The following UBR4 variants were observed in gnomAD, a reference collection of about 807,000 sequenced individuals.
The protein encoded by UBR4 is E3 ubiquitin-protein ligase UBR4.
Under a neutral mutation model 575.6 loss-of-function variants are expected in UBR4, and 124 were observed. The ratio of observed to expected loss-of-function variants is 0.22; its 90% confidence interval spans 0.19 to 0.25. UBR4 has a LOEUF of 0.25. Ranked by LOEUF, UBR4 falls within the 10% of genes least tolerant of loss-of-function variation. UBR4 has a pLI of 1.00. For missense variants in UBR4, 4,818 were observed against 6,478.8 expected (o/e 0.74, Z 8.80); for synonymous variants, 2,455 against 2,473.7 (o/e 0.99, Z 0.22).
At position 19,151,657 on chromosome 1, in the gene UBR4, T is replaced by C; in HGVS notation, c.7199A>G (p.Lys2400Arg). 6.2e-7 allele frequency: 1 copy of C among 1,614,206 alleles called. No individual in the cohort carries two copies. Among genetic ancestry groups the C allele is most frequent in the Non-Finnish European group, 8.5e-7 (1 of 1,180,014 alleles). The change falls in exon 48 of 106, where the codon AAG (lysine) becomes AGG (arginine). Residue 2400 changes from lysine (K) to arginine (R), a missense_variant. Physicochemically the swap from Lys to Arg is conservative, Grantham distance 26. Coordinates refer to ENST00000375254, the MANE Select transcript of UBR4 (RefSeq NM_020765.3). ...TREEALQADKKLNLFIGASVD... is the reference protein window; with the variant it reads ...TREEALQADKRLNLFIGASVD... ...TGGTGACTCACTGAAGAGGTTCAGC[T>C]TCTTATCAGCCTGCAGGGCTTCTTC...
intron 11 of UBR4, among the ~76,000 whole-genome samples, chr1:19,190,871 C>T (rs777544167): frequency 1.3e-5 from 2 of 152,180 alleles, no homozygotes; most frequent in Non-Finnish European, 2.9e-5. Flanking sequence ...ATCCTCAGAT[C>T]ACCAATAAAT....
In UBR4 at chr1:19,138,292, T is replaced by C. The variant is rs2083421013; in HGVS notation, c.8732-111A>G. 6.9e-6 allele frequency: 8 copies of C among 1,161,448 alleles called. No homozygotes were observed. The East Asian group carries it at 1.9e-4, about 28-fold the overall frequency. 71.9% of individuals were successfully genotyped at this position (1,161,448 alleles called of 1,614,324 possible). A position where few individuals can be genotyped will look rare whatever the true frequency, so the allele number is the denominator to read the frequency against. ...GACAGTAACTGACAGCATTAGACAA[T>C]AACTGGTAGCATTTTTGTCTTATAT... is the stretch of plus-strand genomic sequence containing the variant. On this transcript the variant is annotated intron_variant, in intron 59 of 105. Transcript: ENST00000375254.
At chr1:19,131,595 T>C (rs2149713681) in intron 60 of UBR4, among the ~76,000 whole-genome samples, 1 of 152,240 alleles carries the variant, frequency 6.6e-6, no homozygotes, top group East Asian at 1.9e-4. Context: ...TAAAATACAC[T>C]GGGCGTGGTG....
intron 11 of UBR4, among the ~76,000 whole-genome samples, chr1:19,189,110 A>C (rs956244370): frequency 6.6e-6 from 1 of 152,248 alleles, no homozygotes; most frequent in Non-Finnish European, 1.5e-5. Context: ...TAGTAATCAA[A>C]GAAATACAAA....
Position 19,210,174 on chromosome 1 carries a change from C to T in UBR4, c.75G>A (p.Thr25=), listed in dbSNP as rs1268175377. The change falls in exon 1 of 106, where the codon ACG becomes ACA. Residue 25 remains threonine, a synonymous_variant. Transcript: ENST00000375254. ...APGTPATGAD[T]TPGWEVAVRP... ...GCACAGCCACCTCCCAGCCCGGGGTCGTGTCCGCCCCCGTTGCCGGGGTCC... is the reference window on the plus strand; with the variant it reads ...GCACAGCCACCTCCCAGCCCGGGGTTGTGTCCGCCCCCGTTGCCGGGGTCC... The T allele has an allele frequency of 6.6e-7, 1 of 1,523,644 alleles. No homozygotes were observed. Among genetic ancestry groups the T allele is most frequent in the Non-Finnish European group, 8.8e-7 (1 of 1,141,554 alleles). 94.4% of individuals were successfully genotyped at this position (1,523,644 alleles called of 1,614,324 possible). A position where few individuals can be genotyped will look rare whatever the true frequency, so the allele number is the denominator to read the frequency against.
chr1:19,121,561 T>A, intron 67 of UBR4, 127 bp from the exon 68 acceptor site: 1 of 1,212,642 alleles, frequency 8.2e-7, no homozygotes, highest in Admixed American at 2.7e-5. Flanking sequence ...ATGTTCTCTC[T>A]GCTGGACATT....
chr1:19,174,018 C>A (rs1326159967), intron 22 of UBR4, among the ~76,000 whole-genome samples: 1 of 152,174 alleles, frequency 6.6e-6, no homozygotes, highest in East Asian at 1.9e-4. Context: ...ATGGAAAAAT[C>A]TCAAGCGTGA....
In UBR4 at chr1:19,177,747, C is replaced by T. The variant is rs1222923765; in HGVS notation, c.2355-4G>A. The T allele has an allele frequency of 1.9e-6, 3 of 1,610,180 alleles. No homozygotes were observed. Among genetic ancestry groups the T allele is most frequent in the African/African-American group, 1.3e-5 (1 of 74,626 alleles). On this transcript the variant is annotated splice_region_variant and splice_polypyrimidine_tract_variant and intron_variant, in intron 18 of 105. Coordinates refer to ENST00000375254, the MANE Select transcript of UBR4 (RefSeq NM_020765.3). Reference sequence around the variant, plus strand: ...CTGCTTCATTGTAGACAAAAACCTACCAGAGAGAAAAGATGACTATATCTG... The same window carrying T: ...CTGCTTCATTGTAGACAAAAACCTATCAGAGAGAAAAGATGACTATATCTG...
chr1:19,187,081 T>C (rs953396635), intron 13 of UBR4, 83 bp downstream of exon 13: 36 of 892,820 alleles, frequency 4.0e-5, no homozygotes, highest in Admixed American at 5.1e-5. Context: ...AAGTTTTATA[T>C]ATATATATAT....
intron 102 of UBR4, among the ~76,000 whole-genome samples, chr1:19,083,004 G>C (rs2076667103): frequency 1.3e-5 from 2 of 152,118 alleles, no homozygotes; most frequent in Non-Finnish European, 2.9e-5. Flanking sequence ...GAAGCTTCTG[G>C]GTCAGCCTCT....
In UBR4 at chr1:19,087,507, T is replaced by C. The variant is rs77230017; in HGVS notation, c.14544+309A>G. Among the ~76,000 whole-genome samples, 510 of 152,376 alleles carry C rather than the reference T, an allele frequency of 3.3e-3. 1 individual carries two copies. The highest frequency in any genetic ancestry group is 0.01 in the African/African-American group (434 of 41,586). ...TGACCTTTGTTTGCTTAACCACAAG[T>C]TGAGACTTTTTACAGGTTTAAATAA... On this transcript the variant is annotated intron_variant, in intron 99 of 105. Coordinates refer to ENST00000375254, the MANE Select transcript of UBR4 (RefSeq NM_020765.3).
intron 102 of UBR4, chr1:19,082,001 G>A: frequency 3.4e-6 from 2 of 579,878 alleles, no homozygotes; most frequent in South Asian, 4.6e-5. Context: ...AAGATTCCCT[G>A]GTGGGTCCAC....
At position 19,128,308 on chromosome 1, in the gene UBR4, A is replaced by G. The variant is rs775102356; in HGVS notation, c.9014T>C (p.Met3005Thr). ...RAIPYMQVIL[M>T]LTTDLDGEDE... ...TTCTCCATCCAGATCTGTAGTGAGC[A>G]TTAGAATGACCTAGAAGTCAAAGAC... The change falls in exon 62 of 106, where the codon ATG (methionine) becomes ACG (threonine). Residue 3005 changes from methionine to threonine, a missense_variant. By Grantham distance (81) the Met-to-Thr change is moderately conservative (BLOSUM62 -1). Around this residue, in one of 29 missense-constraint regions of UBR4, gnomAD observed 87 missense variants for 82.8 expected, o/e 1.05. Transcript: ENST00000375254. The G allele has an allele frequency of 1.2e-6, 2 of 1,613,786 alleles. No homozygotes were observed. The highest frequency in any genetic ancestry group is 1.3e-5 in the African/African-American group (1 of 74,916).
chr1:19,197,632 C>A (rs753086362), intron 7 of UBR4, 38 bp downstream of exon 7: 5 of 1,607,696 alleles, frequency 3.1e-6, no homozygotes, highest in Non-Finnish European at 4.2e-6. Context: ...GTCCCAAAAA[C>A]AAAAAAAGTA....
At chr1:19,135,451 G>A (rs150735943) in intron 60 of UBR4, among the ~76,000 whole-genome samples, 18 of 152,220 alleles carry the variant, frequency 1.2e-4, no homozygotes, top group Non-Finnish European at 2.6e-4. Context: ...TTTATGACTA[G>A]GATTATATGG....
chr1:19,134,207 T>C (rs546488800), intron 60 of UBR4, among the ~76,000 whole-genome samples: 9 of 151,914 alleles, frequency 5.9e-5, no homozygotes, highest in Middle Eastern at 3.4e-3. Flanking sequence ...TCAGCTATGA[T>C]TGTGCCACTG....
At chr1:19,184,310 T>C in intron 15 of UBR4, 135 bp from the exon 16 acceptor site, 1 of 982,468 alleles carries the variant, frequency 1.0e-6, no homozygotes, top group Non-Finnish European at 1.5e-6. Flanking sequence ...AGAATCAGAT[T>C]TTAAATCACT....
rs148879975 is a variant in UBR4, at chr1:19,161,859, C to A, written c.4995G>T (p.Thr1665=). 2 of 1,614,076 alleles carry A rather than the reference C, an allele frequency of 1.2e-6. No individual in the cohort carries two copies. The highest frequency in any genetic ancestry group is 1.7e-6 in the Non-Finnish European group (2 of 1,180,036). ...GGTTCATGAATTCTTTCTGTGTGAT[C>A]GTAAAAGTGCAGAGTTTATTGCAAA... is the stretch of plus-strand genomic sequence containing the variant. The part of the protein sequence containing the change: ...DSLCNKLCTF[T]ITQKEFMNQH... Residue 1665 remains threonine, a synonymous_variant, in exon 36 of 106, where the codon ACG becomes ACT. Coordinates refer to ENST00000375254, the MANE Select transcript of UBR4 (RefSeq NM_020765.3).
chr1:19,149,911 A>AAAGG (rs1278826012), intron 49 of UBR4: 2 of 763,232 alleles, frequency 2.6e-6, no homozygotes, highest in African/African-American at 3.7e-5. Flanking sequence ...AAAGAAAGAG[A>AAAGG]AAGGAAGGGA....
Sources: allele counts gnomAD v4.1 joint callset (sites outside exome capture counted in the v4.1 genomes callset), GRCh38; gene constraint gnomAD v4.1.1; regional missense constraint gnomAD v4.1.1; transcripts MANE v1.5; gene names NCBI Gene and HGNC (gene_info 2026-07-23, HGNC 2026-07-21).